Variants in GCFC2 observed in about 807,000 individuals in gnomAD.
GCFC2 encodes the protein GC-rich sequence DNA-binding factor 2, also known as intron Large complex component GCFC2.
GCFC2 carries 102 observed loss-of-function variants against 99.4 expected under a neutral mutation model. The ratio of observed to expected loss-of-function variants is 1.03; its 90% CI spans 0.87 to 1.21. GCFC2 has a LOEUF of 1.21. Ranked by LOEUF, GCFC2 falls within the 50% of genes most tolerant of loss-of-function variation. The pLI, the probability that GCFC2 is intolerant of heterozygous loss-of-function variation, is 0.00. For missense variants in GCFC2, 973 were observed against 920.9 expected (o/e 1.06, Z -0.73); for synonymous variants, 338 against 316.8 (o/e 1.07, Z -0.71).
intron 11 of GCFC2, among the ~76,000 whole-genome samples, chr2:75,685,049 G>A (rs1036651395): frequency 1.3e-5 from 2 of 152,120 alleles, no homozygotes; most frequent in Non-Finnish European, 2.9e-5. Context: ...ATCACACACC[G>A]GGGCCTTTTG....
chr2:75,667,489 A>G (rs1174377868), intron 15 of GCFC2, among the ~76,000 whole-genome samples: 1 of 152,234 alleles, frequency 6.6e-6, no homozygotes, highest in Non-Finnish European at 1.5e-5. Flanking sequence ...TGGTTGAGGA[A>G]AAAGAATTCT....
At chr2:75,685,758 AAGACTCAT>A (rs763906893) in intron 11 of GCFC2, among the ~76,000 whole-genome samples, 32,541 of 152,008 alleles carry the variant, frequency 0.21, 5,264 homozygotes, top group African/African-American at 0.47. Context: ...CTCCCCCTTT[AAGACTCAT>A]GTATTCAACA....
chr2:75,706,965 T>C (rs1680899965), intron 1 of GCFC2, among the ~76,000 whole-genome samples: 1 of 152,138 alleles, frequency 6.6e-6, no homozygotes, highest in Non-Finnish European at 1.5e-5. Flanking sequence ...ATAGTAATGA[T>C]TGTGAATAAG....
In GCFC2 at chr2:75,699,746, T is replaced by G. The variant is rs116784440; in HGVS notation, c.717+1444A>C. Reference sequence around the variant, plus strand: ...ATGCGCCACCATGCCTGGCTAGTTTTATTTGTTTTTAGTAGAGTTCAGGTC... The same window carrying G: ...ATGCGCCACCATGCCTGGCTAGTTTGATTTGTTTTTAGTAGAGTTCAGGTC... On this transcript the variant is annotated intron_variant, in intron 4 of 16. Coordinates refer to ENST00000321027, the MANE Select transcript of GCFC2 (RefSeq NM_003203.5). Among the ~76,000 whole-genome samples the G allele has an allele frequency of 2.7e-3, 407 of 152,074 alleles. 1 individual carries two copies. The highest frequency in any genetic ancestry group is 2.8e-3 in the Non-Finnish European group (190 of 67,998).
At chr2:75,688,997 A>G (rs1679934793) in intron 10 of GCFC2, 29 bp downstream of exon 10, 2 of 1,190,556 alleles carry the variant, frequency 1.7e-6, no homozygotes, top group Non-Finnish European at 2.5e-6. Context: ...TATAATCAGG[A>G]TAATTTTTCA....
upstream of GCFC2, chr2:75,711,355 G>A (rs1396384515): frequency 4.6e-6 from 1 of 219,436 alleles, no homozygotes; most frequent in Non-Finnish European, 7.7e-6. Flanking sequence ...CATAAAGTCT[G>A]TACATAAACA....
intron 13 of GCFC2, among the ~76,000 whole-genome samples, chr2:75,672,565 T>C (rs907877790): frequency 3.9e-5 from 6 of 152,038 alleles, no homozygotes; most frequent in Non-Finnish European, 7.4e-5. Context: ...ACTCACTGGA[T>C]TGCTACAGTT....
At position 75,690,737 on chromosome 2, in the gene GCFC2, T is replaced by G. The variant is rs772082677; in HGVS notation, c.1145-18A>C. ...ATCTTTGCCTGTTAATAAATAAAAT[T>G]GACTTCATACTACAAATTCTCAAAA... is the stretch of plus-strand genomic sequence containing the variant. On this transcript the variant is annotated intron_variant, in intron 7 of 16. Transcript: ENST00000321027. 1.6e-6 allele frequency: 2 copies of G among 1,241,656 alleles called. No individual in the cohort carries two copies. The highest frequency in any genetic ancestry group is 2.0e-5 in the Admixed American group (1 of 49,572). 76.9% of individuals were successfully genotyped at this position (1,241,656 alleles called of 1,614,324 possible).
intron 12 of GCFC2, chr2:75,679,779 A>T: frequency 2.5e-6 from 1 of 399,234 alleles, no homozygotes; most frequent in Non-Finnish European, 4.4e-6. Context: ...CTGCAGGGCC[A>T]GTGTATATTC....
rs777436674 is a variant in GCFC2 at position 75,701,301 on chromosome 2, A to T, written c.620-14T>A. ...CATTTCTGCTTACTAGCGGAAAAAA[A>T]GCTCACATGTAAACGTTTAGTATTT... On this transcript the variant is annotated splice_polypyrimidine_tract_variant and intron_variant, in intron 3 of 16. Transcript: ENST00000321027. 4 of 1,471,564 alleles carry T rather than the reference A, an allele frequency of 2.7e-6. No homozygotes were observed. Among genetic ancestry groups the T allele is most frequent in the Admixed American group, 1.7e-5 (1 of 59,294 alleles). 91.2% of individuals were successfully genotyped at this position (1,471,564 alleles called of 1,614,324 possible). A position where few individuals can be genotyped will look rare whatever the true frequency, so the allele number is the denominator to read the frequency against.
intron 15 of GCFC2, chr2:75,669,914 G>C (rs748980287): frequency 1.6e-5 from 5 of 305,286 alleles, no homozygotes; most frequent in South Asian, 1.6e-4. Flanking sequence ...TAGTAGAGAC[G>C]GAGTTTCACC....
chr2:75,703,827 CAGGCAGGATTA>C (rs908105207), intron 2 of GCFC2, among the ~76,000 whole-genome samples: 1 of 152,128 alleles, frequency 6.6e-6, no homozygotes, highest in African/African-American at 2.4e-5. Context: ...TTTTAATGTG[CAGGCAGGATTA>C]AGATAAGACA....
At position 75,663,519 on chromosome 2, in the gene GCFC2, A is replaced by T. The variant is rs1232424483; in HGVS notation, c.*1147T>A. The T allele has an allele frequency of 6.6e-6, 1 of 152,204 alleles. No homozygotes were observed. The highest frequency in any genetic ancestry group is 1.9e-4 in the East Asian group (1 of 5,202). The allele number at this position is 152,204 out of a possible 1,614,324, so 9.4% of individuals were successfully genotyped here. A position where few individuals can be genotyped will look rare whatever the true frequency, so the allele number is the denominator to read the frequency against. Reference sequence around the variant, plus strand: ...ACCAATGACAAAAAAACAAAATAGTAACTTGCTAATAAGTAATGACTTAAT... The same window carrying T: ...ACCAATGACAAAAAAACAAAATAGTTACTTGCTAATAAGTAATGACTTAAT... On this transcript the variant is annotated 3_prime_UTR_variant, in exon 17 of 17. Transcript: ENST00000321027.
Position 75,662,712 on chromosome 2 carries a change from T to G in GCFC2, c.*1954A>C, listed in dbSNP as rs1678657899. 6.6e-6 allele frequency: 1 copy of G among 152,076 alleles called. No homozygotes were observed. The highest frequency in any genetic ancestry group is 2.4e-5 in the African/African-American group (1 of 41,430). 9.4% of individuals were successfully genotyped at this position (152,076 alleles called of 1,614,324 possible). A position where few individuals can be genotyped will look rare whatever the true frequency, so the allele number is the denominator to read the frequency against. ...TATAGCAGTTTAAGTCAATTTGTAG[T>G]TTTGAAAGCAGTTTTAATATTTTAT... is the stretch of plus-strand genomic sequence containing the variant. On this transcript the variant is annotated 3_prime_UTR_variant, in exon 17 of 17. Transcript: ENST00000321027.
At chr2:75,683,771 C>CAAAAACA (rs1679684007) in intron 11 of GCFC2, among the ~76,000 whole-genome samples, 1 of 60,424 alleles carries the variant, frequency 1.7e-5, no homozygotes, top group Non-Finnish European at 3.1e-5. Flanking sequence ...AAATGGAAAG[C>CAAAAACA]AAAAAAAAAA....
chr2:75,692,099 A>G lies in GCFC2; in HGVS notation c.1022T>C (p.Ile341Thr), dbSNP rs749662337. The G allele has an allele frequency of 2.1e-6, 3 of 1,446,572 alleles. No individual in the cohort carries two copies. The African/African-American group carries it at 4.2e-5, about 20-fold the overall frequency. The allele number at this position is 1,446,572 out of a possible 1,614,324, so 89.6% of individuals were successfully genotyped here. The stretch of plus-strand genomic sequence containing the variant: ...TGATTCTATTTCTTGGATGTTGATA[A>G]TCTGAAATACACATATAAGTAACAT... ...ENLIDCLNEK[I>T]INIQEIESSM... The change falls in exon 7 of 17, where the codon ATT (isoleucine) becomes ACT (threonine). Residue 341 changes from isoleucine to threonine, a missense_variant and splice_region_variant. Coordinates refer to ENST00000321027, the MANE Select transcript of GCFC2 (RefSeq NM_003203.5).
At chr2:75,681,665 C>G (rs1381186879) in intron 11 of GCFC2, among the ~76,000 whole-genome samples, 1 of 151,866 alleles carries the variant, frequency 6.6e-6, no homozygotes. Context: ...GTCCCACCCC[C>G]ACGGAGCCCA....
chr2:75,698,021 T>C (rs1680409704), intron 4 of GCFC2: 1 of 152,218 alleles, frequency 6.6e-6, no homozygotes. Flanking sequence ...AGTAATTTGT[T>C]ACAGGAGCCA....
At position 75,663,516 on chromosome 2, in the gene GCFC2, A is replaced by G. The variant is rs1678702110; in HGVS notation, c.*1150T>C. 6.6e-6 allele frequency: 1 copy of G among 152,226 alleles called. No individual in the cohort carries two copies. Among genetic ancestry groups the G allele is most frequent in the Non-Finnish European group, 1.5e-5 (1 of 68,042 alleles). 9.4% of individuals were successfully genotyped at this position (152,226 alleles called of 1,614,324 possible). On this transcript the variant is annotated 3_prime_UTR_variant, in exon 17 of 17. Coordinates refer to ENST00000321027, the MANE Select transcript of GCFC2 (RefSeq NM_003203.5). ...ACCACCAATGACAAAAAAACAAAAT[A>G]GTAACTTGCTAATAAGTAATGACTT...
Sources: gnomAD v4.1 joint callset for allele counts (sites outside exome capture counted in the v4.1 genomes callset) on GRCh38, gnomAD v4.1.1 for gene constraint, MANE v1.5 for transcripts, NCBI Gene and HGNC (gene_info 2026-07-23, HGNC 2026-07-21) for gene names.